The following DDAH1 variants were observed in gnomAD, a reference collection of about 807,000 sequenced individuals.
The protein encoded by DDAH1 is N(G),N(G)-dimethylarginine dimethylaminohydrolase 1.
Under a neutral mutation model 28.8 loss-of-function variants are expected in DDAH1, and 19 were observed. The ratio of observed to expected loss-of-function variants is 0.66; its 90% CI spans 0.46 to 0.97. The LOEUF is 0.97. Ranked by LOEUF, DDAH1 falls within the 50% of genes least tolerant of loss-of-function variation. The probability of loss-of-function intolerance (pLI) is 0.00; values close to 1 mark genes in which losing one functional copy is unlikely to be tolerated. For synonymous variants in DDAH1, 153 were observed against 154.4 expected (o/e 0.99, Z 0.07); for missense variants, 326 against 375.9 (o/e 0.87, Z 1.10).
intron 1 of DDAH1, among the ~76,000 whole-genome samples, chr1:85,532,250 A>G (rs1451063177): frequency 6.6e-6 from 1 of 151,688 alleles, no homozygotes; most frequent in African/African-American, 2.4e-5. Flanking sequence ...TTATAATGTG[A>G]CCAAATCAAT....
rs1470979511 is a variant in DDAH1, at chr1:85,465,107, C to T, written c.-62G>A. 1 of 1,188,456 alleles carries T rather than the reference C, an allele frequency of 8.4e-7. No homozygotes were observed. Among genetic ancestry groups the T allele is most frequent in the African/African-American group, 1.6e-5 (1 of 62,594 alleles). 73.6% of individuals were successfully genotyped at this position (1,188,456 alleles called of 1,614,324 possible). On this transcript the variant is annotated 5_prime_UTR_variant, in exon 1 of 6. Transcript: ENST00000284031. ...GGCGGCCGGGTCCTGCCGCGGGCAG[C>T]GCGCGCTGAGCCTGCGAGCGCCCGT... is the stretch of plus-strand genomic sequence containing the variant.
chr1:85,352,454 A>C (rs1431354458), intron 2 of DDAH1, among the ~76,000 whole-genome samples: 1 of 152,198 alleles, frequency 6.6e-6, no homozygotes. Context: ...ACAAATGTAC[A>C]ACAATAAATG....
At chr1:85,381,387 T>A (rs1026637496) in intron 1 of DDAH1, among the ~76,000 whole-genome samples, 1 of 151,748 alleles carries the variant, frequency 6.6e-6, no homozygotes, top group African/African-American at 2.4e-5. Context: ...CAGGTGATTT[T>A]TGGTTATATG....
intron 1 of DDAH1, among the ~76,000 whole-genome samples, chr1:85,436,506 T>C (rs1653950774): frequency 6.6e-6 from 1 of 152,224 alleles, no homozygotes; most frequent in Admixed American, 6.5e-5. Context: ...AAGCATGTAC[T>C]GCTGATGTGA....
chr1:85,400,192 T>C lies in DDAH1; in HGVS notation c.304-41345A>G, dbSNP rs796198985. 3.8e-3 allele frequency among the ~76,000 whole-genome samples: 366 copies of C among 95,140 alleles called. 14 individuals are homozygous for C. The highest frequency in any genetic ancestry group is 0.014 in the African/African-American group (286 of 19,860). 62.4% of individuals were successfully genotyped at this position (95,140 alleles called of 152,430 possible). A position where few individuals can be genotyped will look rare whatever the true frequency, so the allele number is the denominator to read the frequency against. On this transcript the variant is annotated intron_variant, in intron 1 of 5. Coordinates refer to ENST00000284031, the MANE Select transcript of DDAH1 (RefSeq NM_012137.4). ...CTTTTCTTTTCTTTTTTTTTTTTTT[T>C]TTTTTTTTTTTTTTTTGAGACGGAG...
intron 1 of DDAH1, among the ~76,000 whole-genome samples, chr1:85,441,812 GAAGA>G (rs1654211297): frequency 6.6e-6 from 1 of 152,212 alleles, no homozygotes; most frequent in Admixed American, 6.5e-5. Context: ...GGATTCAGCA[GAAGA>G]AAGATCTGTC....
chr1:85,433,821 T>G (rs1366917104), intron 1 of DDAH1, among the ~76,000 whole-genome samples: 1 of 152,198 alleles, frequency 6.6e-6, no homozygotes, highest in Non-Finnish European at 1.5e-5. Flanking sequence ...AAACTTAAGA[T>G]ACAAATAAAA....
At chr1:85,347,815 CAT>C (rs1648965079) in intron 4 of DDAH1, among the ~76,000 whole-genome samples, 1 of 152,064 alleles carries the variant, frequency 6.6e-6, no homozygotes, top group Admixed American at 6.6e-5. Flanking sequence ...ATGGTTGTAA[CAT>C]AGAAACCAAA....
At chr1:85,496,925 C>T (rs1276093871) in intron 1 of DDAH1, among the ~76,000 whole-genome samples, 2 of 152,198 alleles carry the variant, frequency 1.3e-5, no homozygotes, top group Non-Finnish European at 2.9e-5. Flanking sequence ...ATAACACGTA[C>T]TATCTTCTTG....
chr1:85,529,941 G>T (rs1345415110), intron 1 of DDAH1, among the ~76,000 whole-genome samples: 1 of 142,440 alleles, frequency 7.0e-6, no homozygotes, highest in Admixed American at 7.1e-5. Context: ...CTTACTTCCC[G>T]GGCCCTCCCA....
At chr1:85,472,417 C>T (rs1186081470) in intron 2 of DDAH1, among the ~76,000 whole-genome samples, 2 of 152,210 alleles carry the variant, frequency 1.3e-5, no homozygotes, top group Non-Finnish European at 2.9e-5. Context: ...ATTCTGAAGG[C>T]TCCCATGTGT....
intron 1 of DDAH1, among the ~76,000 whole-genome samples, chr1:85,505,921 C>T (rs1289559547): frequency 6.6e-6 from 1 of 152,152 alleles, no homozygotes; most frequent in East Asian, 1.9e-4. Flanking sequence ...CTAAATTCTT[C>T]TATAGCATTA....
At chr1:85,358,219 T>C (rs2235990) in intron 2 of DDAH1, among the ~76,000 whole-genome samples, 8,285 of 152,326 alleles carry the variant, frequency 0.054, 309 homozygotes, top group South Asian at 0.18. Flanking sequence ...AATGTATATA[T>C]ACGAAGTACT....
upstream of DDAH1, among the ~76,000 whole-genome samples, chr1:85,469,125 G>A (rs1454681162): frequency 2.0e-5 from 3 of 152,188 alleles, no homozygotes; most frequent in Non-Finnish European, 4.4e-5. Context: ...CTAAAATTCT[G>A]CCACCCAGCT....
chr1:85,494,694 T>G (rs1056823753), intron 2 of DDAH1: 1 of 152,266 alleles, frequency 6.6e-6, no homozygotes, highest in African/African-American at 2.4e-5. Flanking sequence ...GAATGGTGAA[T>G]GGGGAGGGCA....
At chr1:85,504,332 A>G (rs998659590) in intron 1 of DDAH1, among the ~76,000 whole-genome samples, 1 of 152,218 alleles carries the variant, frequency 6.6e-6, no homozygotes, top group South Asian at 2.1e-4. Context: ...AATGACAGGT[A>G]AAATTAAAGA....
chr1:85,360,418 G>A (rs1177953822), intron 1 of DDAH1, among the ~76,000 whole-genome samples: 1 of 152,182 alleles, frequency 6.6e-6, no homozygotes, highest in East Asian at 1.9e-4. Flanking sequence ...TGTTGCTACA[G>A]CATAAAATAA....
intron 1 of DDAH1, among the ~76,000 whole-genome samples, chr1:85,506,827 C>T (rs879940964): frequency 2.6e-5 from 4 of 152,188 alleles, no homozygotes; most frequent in South Asian, 2.1e-4. Flanking sequence ...GAAGGTGCCT[C>T]GGATAGATGG....
intron 5 of DDAH1, among the ~76,000 whole-genome samples, chr1:85,323,902 G>C (rs1051336982): frequency 1.3e-5 from 2 of 150,380 alleles, no homozygotes; most frequent in Non-Finnish European, 1.5e-5. Context: ...CCAGGAATTT[G>C]AGGCTGCAGT....
Sources: gnomAD v4.1 joint callset for allele counts (sites outside exome capture counted in the v4.1 genomes callset) on GRCh38, gnomAD v4.1.1 for gene constraint, MANE v1.5 for transcripts, NCBI Gene and HGNC (gene_info 2026-07-23, HGNC 2026-07-21) for gene names.